SENP7: variants seen among roughly 807,000 people sequenced by gnomAD.
The protein encoded by SENP7 is SUMO specific peptidase 7, also known as sentrin-specific protease 7.
A neutral mutation model predicts 141.2 loss-of-function variants in SENP7; 64 were observed. The observed-to-expected ratio is 0.45, with a 90% CI of 0.37 to 0.56. SENP7 has a LOEUF of 0.56. SENP7 is among the 20% of genes least tolerant of loss of function. The probability of loss-of-function intolerance (pLI) is 0.00; values close to 1 mark genes in which losing one functional copy is unlikely to be tolerated. For missense variants in SENP7, 1,025 were observed against 1,212.2 expected, an observed-to-expected ratio of 0.85 and a Z score of 2.29; for synonymous variants, 382 against 426.4, an observed-to-expected ratio of 0.90 and a Z score of 1.28.
intron 4 of SENP7, among the ~76,000 whole-genome samples, chr3:101,438,272 G>A (rs2062466743): frequency 6.6e-6 from 1 of 152,168 alleles, no homozygotes; most frequent in Non-Finnish European, 1.5e-5. Context: ...AGAAAATCTG[G>A]CATATTCTAC....
chr3:101,418,855 A>T (rs1430924638), intron 4 of SENP7, among the ~76,000 whole-genome samples: 3 of 152,198 alleles, frequency 2.0e-5, no homozygotes, highest in African/African-American at 4.8e-5. Flanking sequence ...ATTAAAAAAT[A>T]AATGACATCT....
At chr3:101,478,170 G>A (rs1041920407) in intron 3 of SENP7, among the ~76,000 whole-genome samples, 12 of 152,088 alleles carry the variant, frequency 7.9e-5, no homozygotes, top group East Asian at 1.9e-4. Context: ...ACAACCTATC[G>A]AGACTGAACC....
At chr3:101,496,069 G>A (rs1448791380) in intron 2 of SENP7, among the ~76,000 whole-genome samples, 2 of 152,126 alleles carry the variant, frequency 1.3e-5, no homozygotes, top group East Asian at 1.9e-4. Context: ...TTACAAGACA[G>A]TATTTTGTGG....
chr3:101,374,667 A>G (rs930512107), intron 6 of SENP7, among the ~76,000 whole-genome samples: 1 of 151,648 alleles, frequency 6.6e-6, no homozygotes, highest in African/African-American at 2.4e-5. Flanking sequence ...AGTCTTAGCT[A>G]CTCAGGAAGC....
intron 11 of SENP7, among the ~76,000 whole-genome samples, chr3:101,361,151 G>C (rs1386785236): frequency 6.6e-6 from 1 of 151,780 alleles, no homozygotes; most frequent in Non-Finnish European, 1.5e-5. Flanking sequence ...GTTGCAGTGA[G>C]CCAAGATCAG....
chr3:101,338,005 T>G (rs1361238591), intron 16 of SENP7, among the ~76,000 whole-genome samples: 1 of 151,886 alleles, frequency 6.6e-6, no homozygotes, highest in Non-Finnish European at 1.5e-5. Context: ...ATACAAAAAT[T>G]AGCTGGGTGT....
chr3:101,510,831 G>T (rs1045890452), intron 1 of SENP7, among the ~76,000 whole-genome samples: 2 of 105,198 alleles, frequency 1.9e-5, no homozygotes, highest in Admixed American at 2.9e-4. Flanking sequence ...GCAACAGAGC[G>T]AGACTCCATC....
rs2059288984 is a variant in SENP7 at position 101,339,981 on chromosome 3, A to G, written c.2357+114T>C. 8 of 1,353,566 alleles carry G rather than the reference A, an allele frequency of 5.9e-6. No homozygotes were observed. In the South Asian group the frequency reaches 1.1e-4, roughly 18 times the overall value. The allele number at this position is 1,353,566 out of a possible 1,614,324, so 83.8% of individuals were successfully genotyped here. ...TAAGCAAAAATTTTCCAAATCTGAAATCTTGGCAGGCTACTTTTAACAGAA... is the reference window on the plus strand; with the variant it reads ...TAAGCAAAAATTTTCCAAATCTGAAGTCTTGGCAGGCTACTTTTAACAGAA... On this transcript the variant is annotated intron_variant, in intron 16 of 23. Transcript: ENST00000394095.
intron 5 of SENP7, among the ~76,000 whole-genome samples, chr3:101,407,677 C>G (rs1259869503): frequency 6.6e-6 from 1 of 152,148 alleles, no homozygotes; most frequent in East Asian, 1.9e-4. Context: ...ATAACCTGCT[C>G]CTGGTGATCA....
intron 17 of SENP7, 98 bp from the exon 18 acceptor site, chr3:101,332,960 G>A (rs1351319785): frequency 1.7e-6 from 2 of 1,169,354 alleles, no homozygotes; most frequent in African/African-American, 1.6e-5. Flanking sequence ...CTTAAATTTA[G>A]TTTAACCATC....
At chr3:101,418,701 G>A (rs1185528937) in intron 4 of SENP7, among the ~76,000 whole-genome samples, 1 of 150,836 alleles carries the variant, frequency 6.6e-6, no homozygotes, top group Non-Finnish European at 1.5e-5. Context: ...AAAACCACTT[G>A]TTTGCAGCAG....
chr3:101,408,779 C>A (rs748149033), intron 5 of SENP7, among the ~76,000 whole-genome samples: 1 of 152,032 alleles, frequency 6.6e-6, no homozygotes, highest in Non-Finnish European at 1.5e-5. Flanking sequence ...AAGGGACATA[C>A]CTCAATATAA....
chr3:101,357,593 A>T (rs2059778934), intron 11 of SENP7: 1 of 1,147,080 alleles, frequency 8.7e-7, no homozygotes, highest in Non-Finnish European at 1.3e-6. Context: ...GTTTAAAAAA[A>T]GCTGTAAAAG....
intron 5 of SENP7, chr3:101,414,248 G>T: frequency 1.7e-6 from 1 of 576,074 alleles, no homozygotes; most frequent in South Asian, 1.9e-5. Flanking sequence ...TGCAGGTGAC[G>T]AGTGGTAGAA....
At position 101,421,032 on chromosome 3, in the gene SENP7, C is replaced by T. The variant is rs1037833374; in HGVS notation, c.285-3242G>A. ...AAATAAAAGACATTTTGGGAATACT[C>T]GGGAAATTCTGATTGTGGACTTTAT... is the stretch of plus-strand genomic sequence containing the variant. On this transcript the variant is annotated intron_variant, in intron 4 of 23. Transcript: ENST00000394095. Among the ~76,000 whole-genome samples, 10 of 152,028 alleles carry T rather than the reference C, an allele frequency of 6.6e-5. No individual in the cohort carries two copies. The East Asian group carries it at 1.5e-3, about 24-fold the overall frequency.
chr3:101,401,597 A>C (rs992181996), intron 5 of SENP7, among the ~76,000 whole-genome samples: 5 of 152,186 alleles, frequency 3.3e-5, no homozygotes, highest in African/African-American at 1.2e-4. Context: ...TAAGAAAGCA[A>C]AACAGTCTTA....
rs568903913 is a variant in SENP7 at position 101,333,064 on chromosome 3, G to A, written c.2481-202C>T. 2.2e-4 allele frequency: 114 copies of A among 514,638 alleles called. 1 individual carries two copies. The South Asian group carries it at 5.5e-3, about 25-fold the overall frequency. The allele number at this position is 514,638 out of a possible 1,614,324, so 31.9% of individuals were successfully genotyped here. On this transcript the variant is annotated intron_variant, in intron 17 of 23. Transcript: ENST00000394095. ...AAATTTAATAACTATAAACAATAAT[G>A]AAATGGACAGAATAAAGGCAGCAAT... is the stretch of plus-strand genomic sequence containing the variant.
intron 4 of SENP7, among the ~76,000 whole-genome samples, chr3:101,421,424 G>A (rs970766462): frequency 3.9e-5 from 6 of 152,128 alleles, no homozygotes; most frequent in African/African-American, 1.4e-4. Flanking sequence ...AGGATAAAAT[G>A]TAATTAAGTC....
intron 8 of SENP7, 36 bp from the exon 9 acceptor site, chr3:101,366,805 C>G: frequency 7.0e-7 from 1 of 1,422,620 alleles, no homozygotes; most frequent in Non-Finnish European, 9.5e-7. Context: ...TAGCATTTTT[C>G]AAATTTGGCT....
Sources: allele counts gnomAD v4.1 joint callset (sites outside exome capture counted in the v4.1 genomes callset), GRCh38; gene constraint gnomAD v4.1.1; transcripts MANE v1.5; gene names NCBI Gene and HGNC (gene_info 2026-07-23, HGNC 2026-07-21).